The following ZC3HAV1 variants were observed in gnomAD, a reference collection of about 807,000 sequenced individuals.
ZC3HAV1 encodes zinc finger CCCH-type containing, antiviral 1.
A neutral mutation model predicts 86.6 loss-of-function variants in ZC3HAV1; 41 were observed. That is an observed-to-expected ratio of 0.47 (90% confidence interval 0.37 to 0.61). The LOEUF (loss-of-function observed/expected upper bound fraction) is 0.61. Ranked by LOEUF, ZC3HAV1 falls within the 20% of genes least tolerant of loss-of-function variation. ZC3HAV1 has a pLI of 0.00. For missense variants in ZC3HAV1, 964 were observed against 1,141.1 expected, an observed-to-expected ratio of 0.84 and a Z score of 2.24; for synonymous variants, 421 against 432.1, an observed-to-expected ratio of 0.97 and a Z score of 0.32.
chr7:139,091,163 C>G (rs1326817092), intron 1 of ZC3HAV1, among the ~76,000 whole-genome samples: 2 of 151,362 alleles, frequency 1.3e-5, no homozygotes, highest in African/African-American at 4.9e-5. Flanking sequence ...TTATCAATCC[C>G]GGAGGAAAGA....
chr7:139,061,121 T>C lies in ZC3HAV1; in HGVS notation c.2011A>G (p.Ile671Val), dbSNP rs775058187. 1 of 1,613,688 alleles carries C rather than the reference T, an allele frequency of 6.2e-7. No individual in the cohort carries two copies. Among genetic ancestry groups the C allele is most frequent in the Non-Finnish European group, 8.5e-7 (1 of 1,179,954 alleles). The change falls in exon 9 of 13, where the codon ATA (isoleucine) becomes GTA (valine). Residue 671 changes from isoleucine (I) to valine (V), a missense_variant. Physicochemically the swap from Ile to Val is conservative, Grantham distance 29 (BLOSUM62 3). Transcript: ENST00000242351. Reference sequence around the variant, plus strand: ...ACATCCTTTTGAGTTTTGGAAGCTATGTTTGTCTGAATCATCCCTTTGGAC... The same window carrying C: ...ACATCCTTTTGAGTTTTGGAAGCTACGTTTGTCTGAATCATCCCTTTGGAC... ...LSFQGMIQTN[I>V]ASKTQKDVIR...
intron 1 of ZC3HAV1, among the ~76,000 whole-genome samples, chr7:139,100,811 CCT>C (rs1817732319): frequency 6.7e-6 from 1 of 149,732 alleles, no homozygotes; most frequent in Non-Finnish European, 1.5e-5. Context: ...TCTCCCTCTC[CCT>C]CTCTTTCCAC....
At chr7:139,086,234 C>T (rs1282499201) in intron 2 of ZC3HAV1, among the ~76,000 whole-genome samples, 1 of 152,144 alleles carries the variant, frequency 6.6e-6, no homozygotes, top group Non-Finnish European at 1.5e-5. Flanking sequence ...TGAACAAAAA[C>T]TTATACCAAC....
rs988374009 is a variant in ZC3HAV1 at position 139,044,861 on chromosome 7, A to G, written c.*2733T>C. The G allele has an allele frequency of 2.0e-5, 3 of 152,502 alleles. No homozygotes were observed. Among genetic ancestry groups the G allele is most frequent in the Non-Finnish European group, 2.9e-5 (2 of 68,046 alleles). 9.4% of individuals were successfully genotyped at this position (152,502 alleles called of 1,614,324 possible). A position where few individuals can be genotyped will look rare whatever the true frequency, so the allele number is the denominator to read the frequency against. ...TTTCTTGCATAGTATCTTTATTTCA[A>G]TAAAGGTTATTTCGTTCTTTCTCTT... On this transcript the variant is annotated 3_prime_UTR_variant, in exon 13 of 13. Transcript: ENST00000242351.
chr7:139,072,961 A>G (rs114339565), intron 7 of ZC3HAV1, among the ~76,000 whole-genome samples: 1,662 of 152,268 alleles, frequency 0.011, 29 homozygotes, highest in African/African-American at 0.038. Flanking sequence ...GTGAGGAAAG[A>G]GGGAAGTGCA....
chr7:139,098,631 C>T (rs189145610), intron 1 of ZC3HAV1, among the ~76,000 whole-genome samples: 116 of 152,090 alleles, frequency 7.6e-4, no homozygotes, highest in African/African-American at 2.3e-3. Context: ...TTGAGACCCC[C>T]GTCTCTATTT....
intron 1 of ZC3HAV1, among the ~76,000 whole-genome samples, chr7:139,104,766 G>T (rs141343772): frequency 2.0e-5 from 3 of 149,100 alleles, no homozygotes; most frequent in Non-Finnish European, 4.4e-5. Context: ...GGCCGGGAGC[G>T]GTGGCTCATG....
chr7:139,089,430 G>A (rs1817368167), intron 2 of ZC3HAV1, among the ~76,000 whole-genome samples, 194 bp downstream of exon 2: 1 of 152,120 alleles, frequency 6.6e-6, no homozygotes, highest in Non-Finnish European at 1.5e-5. Context: ...AGGTATTCCA[G>A]ACTCAAATTC....
intron 1 of ZC3HAV1, among the ~76,000 whole-genome samples, chr7:139,090,819 T>C (rs1817407704): frequency 6.6e-6 from 1 of 152,218 alleles, no homozygotes; most frequent in African/African-American, 2.4e-5. Flanking sequence ...ACTCTCTAGA[T>C]TGCCTTCAGA....
At position 139,057,612 on chromosome 7, in the gene ZC3HAV1, C is replaced by T. The variant is rs1379426930; in HGVS notation, c.2097-2317G>A. ...GGAGTGCAGTGGCGCGATCTCGGCT[C>T]ACTGCAAGCTCCGCCTCCCGGGTTC... On this transcript the variant is annotated intron_variant, in intron 9 of 12. Coordinates refer to ENST00000242351, the MANE Select transcript of ZC3HAV1 (RefSeq NM_020119.4). Among the ~76,000 whole-genome samples the T allele has an allele frequency of 3.2e-4, 7 of 22,086 alleles. 2 individuals carry two copies. The highest frequency in any genetic ancestry group is 1.2e-3 in the South Asian group (1 of 820). The allele number at this position is 22,086 out of a possible 152,430, so 14.5% of individuals were successfully genotyped here.
chr7:139,049,503 G>C (rs896153042), intron 12 of ZC3HAV1: 2 of 152,348 alleles, frequency 1.3e-5, no homozygotes, highest in East Asian at 3.8e-4. Context: ...TTCTAGGATA[G>C]CTTTTTCTTC....
intron 12 of ZC3HAV1, among the ~76,000 whole-genome samples, chr7:139,049,125 CTTT>C (rs754435812): frequency 9.9e-4 from 124 of 125,418 alleles, no homozygotes; most frequent in Middle Eastern, 4.1e-3. Context: ...TCTCTCTCTC[CTTT>C]TTTTTTTTTT....
intron 1 of ZC3HAV1, among the ~76,000 whole-genome samples, chr7:139,095,396 C>T (rs961585580): frequency 3.3e-5 from 5 of 152,066 alleles, no homozygotes; most frequent in East Asian, 1.9e-4. Context: ...AGCAGGGTAA[C>T]GAAGGATGTG....
At chr7:139,052,972 A>C (rs983422549) in intron 12 of ZC3HAV1, among the ~76,000 whole-genome samples, 1 of 152,060 alleles carries the variant, frequency 6.6e-6, no homozygotes, top group Non-Finnish European at 1.5e-5. Flanking sequence ...AGAAAGAGCT[A>C]TAAAGATTTT....
chr7:139,076,231 G>A, intron 6 of ZC3HAV1, 55 bp downstream of exon 6: 1 of 1,611,430 alleles, frequency 6.2e-7, no homozygotes, highest in South Asian at 1.1e-5. Flanking sequence ...TAGCACTAAT[G>A]CTTCCCTTTG....
chr7:139,100,768 T>C (rs200754225), intron 1 of ZC3HAV1, among the ~76,000 whole-genome samples: 1 of 83,918 alleles, frequency 1.2e-5, no homozygotes, highest in Admixed American at 1.1e-4. Context: ...CTCCCTCTCT[T>C]TCCACGGTCT....
rs1815913818 is a variant in ZC3HAV1 at position 139,044,829 on chromosome 7, T to C, written c.*2765A>G. The stretch of plus-strand genomic sequence containing the variant: ...TCCTCATTTTCTCCACTTCGACAAC[T>C]GTACATTTTCTTGCATAGTATCTTT... On this transcript the variant is annotated 3_prime_UTR_variant, in exon 13 of 13. Coordinates refer to ENST00000242351, the MANE Select transcript of ZC3HAV1 (RefSeq NM_020119.4). 1.3e-5 allele frequency: 2 copies of C among 152,612 alleles called. No individual in the cohort carries two copies. Among genetic ancestry groups the C allele is most frequent in the African/African-American group, 2.4e-5 (1 of 41,460 alleles). 9.5% of individuals were successfully genotyped at this position (152,612 alleles called of 1,614,324 possible). A position where few individuals can be genotyped will look rare whatever the true frequency, so the allele number is the denominator to read the frequency against.
At chr7:139,053,752 T>C (rs1816204476) in intron 11 of ZC3HAV1, among the ~76,000 whole-genome samples, 171 bp from the exon 12 acceptor site, 2 of 149,138 alleles carry the variant, frequency 1.3e-5, no homozygotes, top group Non-Finnish European at 1.5e-5. Context: ...ATGAAAACTT[T>C]TAAAAGATAG....
intron 1 of ZC3HAV1, 92 bp from the exon 2 acceptor site, chr7:139,089,851 G>A (rs548918962): frequency 3.3e-5 from 45 of 1,372,926 alleles, no homozygotes; most frequent in Non-Finnish European, 4.0e-5. Context: ...GCAAAGACCC[G>A]TGCCCATATT....
Sources: allele counts gnomAD v4.1 joint callset (sites outside exome capture counted in the v4.1 genomes callset), GRCh38; gene constraint gnomAD v4.1.1; transcripts MANE v1.5; gene names NCBI Gene and HGNC (gene_info 2026-07-23, HGNC 2026-07-21).